Variants in RP1 observed in about 807,000 individuals in gnomAD.
The protein encoded by RP1 is RP1 axonemal microtubule associated, also known as oxygen-regulated protein 1.
RP1 carries 16 observed loss-of-function variants against 14.8 expected under a neutral mutation model. The observed-to-expected ratio is 1.08, with a 90% CI of 0.73 to 1.65. The LOEUF (loss-of-function observed/expected upper bound fraction) is 1.65. Among genes scored for constraint, RP1 ranks in the 40% most tolerant of loss-of-function variants. RP1 has a pLI of 0.00. For missense variants in RP1, 2,631 were observed against 2,535.0 expected, an observed-to-expected ratio of 1.04 and a Z score of -0.81; for synonymous variants, 876 against 883.6, an observed-to-expected ratio of 0.99 and a Z score of 0.15.
At position 54,741,717 on chromosome 8, in the gene RP1, A is replaced by G. The variant is rs1474694023; in HGVS notation, c.2808+2688A>G. On this transcript the variant is annotated intron_variant, in intron 19 of 22. Transcript: ENST00000636932. The stretch of plus-strand genomic sequence containing the variant: ...AATACAAATGTGTGTGTATATATAT[A>G]TATATATATATATATATATATATAT... Among the ~76,000 whole-genome samples the G allele has an allele frequency of 2.0e-3, 237 of 118,732 alleles. 4 individuals are homozygous for G. The highest frequency in any genetic ancestry group is 6.9e-3 in the African/African-American group (211 of 30,512). 77.9% of individuals were successfully genotyped at this position (118,732 alleles called of 152,430 possible).
At chr8:54,701,681 T>C in intron 14 of RP1, 1 of 1,531,688 alleles carries the variant, frequency 6.5e-7, no homozygotes, top group Non-Finnish European at 8.7e-7. Flanking sequence ...GAGAAAGTTA[T>C]TAAAGTTTAT....
At chr8:54,794,426 C>T (rs546749471) in intron 24 of RP1, among the ~76,000 whole-genome samples, 48 of 150,876 alleles carry the variant, frequency 3.2e-4, no homozygotes, top group African/African-American at 1.1e-3. Context: ...CATATACGAC[C>T]GTTTGTCAAT....
At chr8:54,598,045 C>A (rs184707262) in intron 1 of RP1, among the ~76,000 whole-genome samples, 108 of 152,174 alleles carry the variant, frequency 7.1e-4, no homozygotes, top group African/African-American at 2.5e-3. Context: ...CCCTGCCAAC[C>A]ACTAATCTAT....
At chr8:54,697,182 C>CT in intron 12 of RP1, 1 of 759,988 alleles carries the variant, frequency 1.3e-6, no homozygotes. Flanking sequence ...CATGTGTTTC[C>CT]TTTTTTTGGG....
chr8:54,601,901 T>C (rs894561806), intron 1 of RP1, among the ~76,000 whole-genome samples: 3 of 152,160 alleles, frequency 2.0e-5, no homozygotes, highest in Non-Finnish European at 4.4e-5. Context: ...AGACAGAAAG[T>C]AGATTCGTGG....
intron 1 of RP1, among the ~76,000 whole-genome samples, chr8:54,607,197 A>G (rs576084625): frequency 2.0e-5 from 3 of 152,132 alleles, no homozygotes; most frequent in Non-Finnish European, 2.9e-5. Flanking sequence ...GGTGTTTGAT[A>G]ATGGTGACAA....
At chr8:54,600,446 G>A (rs559521488) in intron 1 of RP1, among the ~76,000 whole-genome samples, 4 of 152,294 alleles carry the variant, frequency 2.6e-5, no homozygotes, top group Non-Finnish European at 4.4e-5. Context: ...GTGGCGGGGA[G>A]TTGGGGAGGG....
intron 24 of RP1, among the ~76,000 whole-genome samples, chr8:54,832,739 GT>G (rs35015895): frequency 0.3 from 46,171 of 151,442 alleles, 7,183 homozygotes; most frequent in South Asian, 0.37. Flanking sequence ...TCTGAAGAAT[GT>G]TGAGTGCTGT....
At chr8:54,826,880 A>G (rs1811396407) in intron 24 of RP1, among the ~76,000 whole-genome samples, 1 of 152,226 alleles carries the variant, frequency 6.6e-6, no homozygotes. Flanking sequence ...GCACAAACCT[A>G]GATGGTCTAG....
chr8:54,654,285 G>C (rs78018621), intron 5 of RP1, among the ~76,000 whole-genome samples: 3,432 of 152,206 alleles, frequency 0.023, 135 homozygotes, highest in African/African-American at 0.077. Flanking sequence ...GATTTGAACA[G>C]AATCACTGAT....
Position 54,849,908 on chromosome 8 carries a change from AG to A in RP1, c.3836-2665del, listed in dbSNP as rs966550888. 1.7e-4 allele frequency among the ~76,000 whole-genome samples: 26 copies of A among 152,344 alleles called. No individual in the cohort carries two copies. In the East Asian group the frequency reaches 2.5e-3, roughly 15 times the overall value. On this transcript the variant is annotated intron_variant, in intron 25 of 28. Coordinates refer to the RP1 transcript ENST00000637698. Reference sequence around the variant, plus strand: ...TGAAGATAACGACATTGCAAACAAAAGTGAAAAAATAGTGAAAATACATAGT... The same window carrying A: ...TGAAGATAACGACATTGCAAACAAAATGAAAAAATAGTGAAAATACATAGT...
At chr8:54,663,941 T>A in intron 7 of RP1, 2 of 1,236,632 alleles carry the variant, frequency 1.6e-6, no homozygotes, top group Non-Finnish European at 2.1e-6. Context: ...TAAGAGTTTT[T>A]AATTTCACAG....
intron 19 of RP1, among the ~76,000 whole-genome samples, chr8:54,743,302 T>C (rs1809145105): frequency 6.6e-6 from 1 of 152,192 alleles, no homozygotes; most frequent in African/African-American, 2.4e-5. Flanking sequence ...TGAAGTCCAT[T>C]GATTCTTTGG....
chr8:54,648,094 G>A (rs571389464), intron 3 of RP1, among the ~76,000 whole-genome samples: 1 of 152,240 alleles, frequency 6.6e-6, no homozygotes, highest in African/African-American at 2.4e-5. Flanking sequence ...CTCCTGCCTT[G>A]TGAAGAAGGT....
chr8:54,640,414 T>C (rs1806431774), intron 3 of RP1, among the ~76,000 whole-genome samples: 1 of 152,246 alleles, frequency 6.6e-6, no homozygotes, highest in African/African-American at 2.4e-5. Context: ...TTTCCAACTT[T>C]GTTCTCTTTC....
intron 25 of RP1, among the ~76,000 whole-genome samples, chr8:54,850,332 T>C (rs1454253070): frequency 1.3e-5 from 2 of 152,220 alleles, no homozygotes; most frequent in Non-Finnish European, 2.9e-5. Flanking sequence ...TCTATCCTCG[T>C]ATTTTTTCAA....
At position 54,868,130 on chromosome 8, in the gene RP1, C is replaced by A. The variant is rs949425807; in HGVS notation, c.4152-1713C>A. 2.0e-5 allele frequency among the ~76,000 whole-genome samples: 3 copies of A among 152,258 alleles called. 1 individual carries two copies. Among genetic ancestry groups the A allele is most frequent in the African/African-American group, 2.4e-5 (1 of 41,564 alleles). On this transcript the variant is annotated intron_variant, in intron 28 of 28. Transcript: ENST00000637698. ...TAGCAAAGTCAAAAGGCATCCAGGG[C>A]AGGTGATAATGGTCACATTCTCTTC...
intron 24 of RP1, among the ~76,000 whole-genome samples, chr8:54,817,534 G>A (rs775293269): frequency 6.6e-5 from 10 of 152,152 alleles, no homozygotes; most frequent in Non-Finnish European, 1.3e-4. Context: ...AAACTGAATG[G>A]GTGGAGTCAG....
intron 15 of RP1, among the ~76,000 whole-genome samples, chr8:54,707,983 C>T (rs1432691254): frequency 6.6e-6 from 1 of 152,162 alleles, no homozygotes; most frequent in Non-Finnish European, 1.5e-5. Flanking sequence ...ATTACTATGA[C>T]TAGACTAGTT....
Sources: gnomAD v4.1 joint callset for allele counts (sites outside exome capture counted in the v4.1 genomes callset) on GRCh38, gnomAD v4.1.1 for gene constraint, MANE v1.5 for transcripts, NCBI Gene and HGNC (gene_info 2026-07-23, HGNC 2026-07-21) for gene names.